Variants in TPRG1 observed in about 807,000 individuals in gnomAD.
The protein encoded by TPRG1 is tumor protein p63-regulated gene 1 protein.
A neutral mutation model predicts 29.3 loss-of-function variants in TPRG1; 29 were observed. The observed-to-expected ratio is 0.99, with a 90% CI of 0.74 to 1.35. The LOEUF is 1.35. TPRG1 is among the 40% of genes most tolerant of loss of function. The probability of loss-of-function intolerance (pLI) is 0.00; values close to 1 mark genes in which losing one functional copy is unlikely to be tolerated. For missense variants in TPRG1, 327 were observed against 335.0 expected, an observed-to-expected ratio of 0.98 and a Z score of 0.19; for synonymous variants, 130 against 116.8, an observed-to-expected ratio of 1.11 and a Z score of -0.73.
intron 5 of TPRG1, among the ~76,000 whole-genome samples, chr3:189,153,014 A>T (rs1406006229): frequency 6.6e-6 from 1 of 152,252 alleles, no homozygotes; most frequent in Non-Finnish European, 1.5e-5. Context: ...TGTGTCTTAG[A>T]TCACTTTAGA....
intron 4 of TPRG1, among the ~76,000 whole-genome samples, chr3:189,076,834 A>G (rs1464458750): frequency 6.6e-6 from 1 of 152,082 alleles, no homozygotes; most frequent in Non-Finnish European, 1.5e-5. Flanking sequence ...ATAGCTAAAT[A>G]TTGTCATTTA....
intron 5 of TPRG1, among the ~76,000 whole-genome samples, chr3:189,315,868 T>G (rs757504070): frequency 6.6e-6 from 1 of 152,074 alleles, no homozygotes; most frequent in Non-Finnish European, 1.5e-5. Flanking sequence ...CAAATTATAA[T>G]TTAAAGTACT....
At chr3:189,031,242 G>A (rs535262831) in intron 4 of TPRG1, among the ~76,000 whole-genome samples, 1 of 151,810 alleles carries the variant, frequency 6.6e-6, no homozygotes, top group Non-Finnish European at 1.5e-5. Context: ...AGTGAGCCGC[G>A]ATTGCGCCAC....
intron 5 of TPRG1, among the ~76,000 whole-genome samples, chr3:189,317,366 G>A (rs968575563): frequency 1.3e-5 from 2 of 152,056 alleles, no homozygotes; most frequent in Admixed American, 1.3e-4. Context: ...TTCCTTTATG[G>A]CCTTTGCAAT....
chr3:189,300,956 A>T (rs774683783), intron 4 of TPRG1, among the ~76,000 whole-genome samples: 1 of 151,966 alleles, frequency 6.6e-6, no homozygotes, highest in Non-Finnish European at 1.5e-5. Context: ...TTCCTTTCTA[A>T]TTTTCAGGTA....
intron 4 of TPRG1, among the ~76,000 whole-genome samples, chr3:189,248,120 G>T (rs963628423): frequency 2.0e-5 from 3 of 151,760 alleles, no homozygotes; most frequent in Non-Finnish European, 4.4e-5. Context: ...CTATGAAAAT[G>T]CCTGAACCTG....
intron 3 of TPRG1, among the ~76,000 whole-genome samples, chr3:189,139,717 C>T (rs781738532): frequency 6.0e-5 from 9 of 149,690 alleles, no homozygotes; most frequent in Non-Finnish European, 1.0e-4. Context: ...CCCCACATCT[C>T]GCTAACTTTA....
chr3:189,229,605 A>G (rs1738316809), intron 3 of TPRG1, among the ~76,000 whole-genome samples: 1 of 152,216 alleles, frequency 6.6e-6, no homozygotes, highest in Non-Finnish European at 1.5e-5. Context: ...GAAGGAAGTA[A>G]AGAGGAATGA....
At chr3:189,217,168 A>G (rs576971090) in intron 3 of TPRG1, among the ~76,000 whole-genome samples, 2 of 152,342 alleles carry the variant, frequency 1.3e-5, no homozygotes, top group East Asian at 1.9e-4. Context: ...TGCATGAACT[A>G]TATTGAAGCT....
At chr3:189,113,588 A>C (rs1293570558) in intron 1 of TPRG1, among the ~76,000 whole-genome samples, 1 of 151,900 alleles carries the variant, frequency 6.6e-6, no homozygotes, top group African/African-American at 2.4e-5. Context: ...TAGCATGAAG[A>C]GTTGTTGAAT....
chr3:189,268,636 A>G (rs2109071798), intron 4 of TPRG1, among the ~76,000 whole-genome samples: 1 of 152,316 alleles, frequency 6.6e-6, no homozygotes, highest in East Asian at 1.9e-4. Context: ...AGGTTCTATA[A>G]TAGTTTGTAT....
intron 4 of TPRG1, among the ~76,000 whole-genome samples, chr3:189,064,579 A>G (rs546424233): frequency 6.6e-6 from 1 of 152,276 alleles, no homozygotes; most frequent in South Asian, 2.1e-4. Context: ...GACAAAGTTA[A>G]TGAAAGCAAA....
At chr3:189,019,198 C>T (rs1461000542) in intron 3 of TPRG1, among the ~76,000 whole-genome samples, 16 of 151,440 alleles carry the variant, frequency 1.1e-4, no homozygotes, top group Non-Finnish European at 1.9e-4. Context: ...TTGACTTCCT[C>T]TTTTCCTAAT....
chr3:189,096,324 G>C (rs1718677704), upstream of TPRG1, among the ~76,000 whole-genome samples: 1 of 152,138 alleles, frequency 6.6e-6, no homozygotes, highest in South Asian at 2.1e-4. Context: ...CTTCTCGAGT[G>C]TTACCTTCTC....
At chr3:189,154,355 A>G (rs977431304) in intron 5 of TPRG1, among the ~76,000 whole-genome samples, 1 of 152,106 alleles carries the variant, frequency 6.6e-6, no homozygotes, top group Non-Finnish European at 1.5e-5. Context: ...TTATTTGTCG[A>G]GTGTCTGCTA....
At chr3:189,302,328 T>C (rs962879523) in intron 4 of TPRG1, among the ~76,000 whole-genome samples, 2 of 152,196 alleles carry the variant, frequency 1.3e-5, no homozygotes, top group African/African-American at 2.4e-5. Flanking sequence ...TTGTTCCTTC[T>C]TCTGAATCCT....
At chr3:189,079,967 T>C (rs1022140904) in intron 4 of TPRG1, among the ~76,000 whole-genome samples, 2 of 152,192 alleles carry the variant, frequency 1.3e-5, no homozygotes, top group African/African-American at 4.8e-5. Context: ...TTTTGTGCCC[T>C]CCCTCCAAAT....
chr3:189,136,498 C>T (rs1578482894), intron 3 of TPRG1, among the ~76,000 whole-genome samples: 1 of 152,162 alleles, frequency 6.6e-6, no homozygotes, highest in South Asian at 2.1e-4. Context: ...ACTGTGAATA[C>T]ATGTGAACCC....
At chr3:189,037,981 A>T (rs1714382335) in intron 4 of TPRG1, among the ~76,000 whole-genome samples, 1 of 151,536 alleles carries the variant, frequency 6.6e-6, no homozygotes, top group African/African-American at 2.4e-5. Flanking sequence ...AGTATTTTAA[A>T]GAGGTCAAAT....
Sources: gnomAD v4.1 joint callset for allele counts (sites outside exome capture counted in the v4.1 genomes callset) on GRCh38, gnomAD v4.1.1 for gene constraint, MANE v1.5 for transcripts, NCBI Gene and HGNC (gene_info 2026-07-23, HGNC 2026-07-21) for gene names.